The following UBR2 variants were observed in gnomAD, a reference collection of about 807,000 sequenced individuals.
UBR2 encodes the protein ubiquitin protein ligase E3 component n-recognin 2, also known as E3 ubiquitin-protein ligase UBR2.
A neutral mutation model predicts 247.9 loss-of-function variants in UBR2; 92 were observed. The ratio of observed to expected loss-of-function variants is 0.37; its 90% CI spans 0.31 to 0.44. The LOEUF (loss-of-function observed/expected upper bound fraction) is 0.44, where lower values mean the gene tolerates loss of function less well. Ranked by LOEUF, UBR2 falls within the 20% of genes least tolerant of loss-of-function variation. The probability of loss-of-function intolerance (pLI) is 1.00; values close to 1 mark genes in which losing one functional copy is unlikely to be tolerated. For synonymous variants in UBR2, 672 were observed against 693.5 expected (o/e 0.97, Z 0.49); for missense variants, 1,613 against 2,112.6 (o/e 0.76, Z 4.64).
In UBR2 at chr6:42,689,732, G is replaced by C. The variant is rs548641997; in HGVS notation, c.5126+62G>C. On this transcript the variant is annotated intron_variant, in intron 46 of 46. Transcript: ENST00000372901. The surrounding 1 kb of genome is among the most constrained non-coding windows in gnomAD (Gnocchi z 4.0). ...GCAGCGCCCTTCCGTATGTGGTGAC[G>C]TCCTGAGGGTGGAGGGCTGAGGTGG... 6 of 1,439,040 alleles carry C rather than the reference G, an allele frequency of 4.2e-6. No homozygotes were observed. Among genetic ancestry groups the C allele is most frequent in the Non-Finnish European group, 4.9e-6 (5 of 1,022,056 alleles). The allele number at this position is 1,439,040 out of a possible 1,614,324, so 89.1% of individuals were successfully genotyped here.
chr6:42,659,543 A>G lies in UBR2; in HGVS notation c.3243-113A>G. The G allele has an allele frequency of 2.8e-6, 2 of 715,690 alleles. No individual in the cohort carries two copies. The highest frequency in any genetic ancestry group is 1.8e-5 in the African/African-American group (1 of 54,950). The allele number at this position is 715,690 out of a possible 1,614,324, so 44.3% of individuals were successfully genotyped here. On this transcript the variant is annotated intron_variant, in intron 29 of 46. Coordinates refer to ENST00000372901, the MANE Select transcript of UBR2 (RefSeq NM_001363705.2). The surrounding 1 kb of genome is among the most constrained non-coding windows in gnomAD (Gnocchi z 4.3). ...TATACACACACACACACACACACAC[A>G]CACACACACACACACACACTACACA...
chr6:42,625,844 C>T (rs1367248055), intron 11 of UBR2, among the ~76,000 whole-genome samples: 3 of 148,526 alleles, frequency 2.0e-5, no homozygotes, highest in African/African-American at 5.0e-5. Context: ...GGCGGAGTCT[C>T]GCTCTGTCGC....
chr6:42,632,066 A>AT (rs1372421630), intron 11 of UBR2, among the ~76,000 whole-genome samples: 520 of 68,576 alleles, frequency 7.6e-3, no homozygotes, highest in Middle Eastern at 0.021. Flanking sequence ...TAAAAAAAAA[A>AT]AAAATATATA....
intron 4 of UBR2, among the ~76,000 whole-genome samples, chr6:42,599,790 A>G (rs1793242267): frequency 1.3e-5 from 2 of 152,084 alleles, no homozygotes; most frequent in African/African-American, 4.8e-5. Flanking sequence ...AGCTGCGACC[A>G]CAGGCACATA....
chr6:42,686,198 C>G (rs1799382766), intron 44 of UBR2, among the ~76,000 whole-genome samples: 1 of 151,900 alleles, frequency 6.6e-6, no homozygotes. Flanking sequence ...ACAAAGGTCT[C>G]TGGTTTTCCT....
In UBR2 at chr6:42,630,294, C is replaced by T. The variant is rs151289231; in HGVS notation, c.1282-2258C>T. On this transcript the variant is annotated intron_variant, in intron 11 of 46. Transcript: ENST00000372901. ...CTGCCTCCTGAGTTCAAGCGGTTCT[C>T]CTGTCTCAGCCTCCCGAGTAGCTGG... is the stretch of plus-strand genomic sequence containing the variant. Among the ~76,000 whole-genome samples, 99 of 151,832 alleles carry T rather than the reference C, an allele frequency of 6.5e-4. 1 individual carries two copies. In the East Asian group the frequency reaches 0.018, roughly 28 times the overall value.
At chr6:42,658,969 A>T in intron 29 of UBR2, 145 bp downstream of exon 29, 1 of 923,648 alleles carries the variant, frequency 1.1e-6, no homozygotes, top group South Asian at 2.1e-5. Flanking sequence ...TCCATTTAGA[A>T]GATTTAATCT....
intron 7 of UBR2, 40 bp downstream of exon 7, chr6:42,606,691 G>T: frequency 6.7e-7 from 1 of 1,499,274 alleles, no homozygotes; most frequent in Non-Finnish European, 9.1e-7. Flanking sequence ...TTTTTTATTA[G>T]TTTAAAACTA....
At position 42,642,528 on chromosome 6, in the gene UBR2, C is replaced by T. The variant is rs1582624879; in HGVS notation, c.2097+47C>T. 4 of 1,471,952 alleles carry T rather than the reference C, an allele frequency of 2.7e-6. No individual in the cohort carries two copies. In the East Asian group the frequency reaches 9.4e-5, roughly 35 times the overall value. The allele number at this position is 1,471,952 out of a possible 1,614,324, so 91.2% of individuals were successfully genotyped here. On this transcript the variant is annotated intron_variant, in intron 18 of 46. Transcript: ENST00000372901. ...ACTTAAAGGTTGTGGGGAATCTTTGCTTCTTGTTATTTCCATAGAATTCAG... is the reference window on the plus strand; with the variant it reads ...ACTTAAAGGTTGTGGGGAATCTTTGTTTCTTGTTATTTCCATAGAATTCAG...
rs371927756 is a variant in UBR2, at chr6:42,658,037, G to A, written c.2886G>A (p.Ala962=). 1.2e-5 allele frequency: 20 copies of A among 1,613,408 alleles called. No individual in the cohort carries two copies. Among genetic ancestry groups the A allele is most frequent in the South Asian group, 6.6e-5 (6 of 90,980 alleles). ...TTTCTGCCGTAGAACCTGGTGAAGC[G>A]CCAAAAAATTCTCCTAGCATACTAG... ...FTQKISKPGE[A]PKNSPSILAM... The change falls in exon 27 of 47, where the codon GCG becomes GCA. Residue 962 remains alanine, a synonymous_variant. Coordinates refer to ENST00000372901, the MANE Select transcript of UBR2 (RefSeq NM_001363705.2).
intron 20 of UBR2, among the ~76,000 whole-genome samples, chr6:42,645,058 T>A (rs972555903): frequency 1.3e-5 from 2 of 152,158 alleles, no homozygotes; most frequent in African/African-American, 2.4e-5. Flanking sequence ...TCCTGGCTAC[T>A]GTCAGGAGAT....
rs555758344 is a variant in UBR2 at position 42,678,419 on chromosome 6, C to T, written c.4479-120C>T. The T allele has an allele frequency of 4.0e-5, 45 of 1,126,546 alleles. No individual in the cohort carries two copies. In the African/African-American group the frequency reaches 6.5e-4, roughly 16 times the overall value. 69.8% of individuals were successfully genotyped at this position (1,126,546 alleles called of 1,614,324 possible). On this transcript the variant is annotated intron_variant, in intron 40 of 46. Coordinates refer to ENST00000372901, the MANE Select transcript of UBR2 (RefSeq NM_001363705.2). The stretch of plus-strand genomic sequence containing the variant: ...TAACACACACCCACTTGCCTGTTAA[C>T]TCACAACTTTTAAGCATACATGCCA...
chr6:42,684,948 G>A, intron 44 of UBR2, 77 bp downstream of exon 44: 1 of 1,208,876 alleles, frequency 8.3e-7, no homozygotes, highest in Non-Finnish European at 1.2e-6. Context: ...GGATTTTGTT[G>A]TTGTTCTTTG....
At chr6:42,644,132 C>A in intron 18 of UBR2, 82 bp from the exon 19 acceptor site, 1 of 1,424,978 alleles carries the variant, frequency 7.0e-7, no homozygotes, top group Non-Finnish European at 9.4e-7. Context: ...GCAAGCCAAA[C>A]TATCTCTCAC....
At chr6:42,626,271 A>G (rs558382724) in intron 11 of UBR2, among the ~76,000 whole-genome samples, 1 of 151,916 alleles carries the variant, frequency 6.6e-6, no homozygotes, top group Admixed American at 6.6e-5. Context: ...TTCTTTTCTG[A>G]TGATTTAAGG....
At chr6:42,634,789 G>A (rs1034612399) in intron 13 of UBR2, among the ~76,000 whole-genome samples, 1 of 152,196 alleles carries the variant, frequency 6.6e-6, no homozygotes, top group Admixed American at 6.5e-5. Context: ...TTGGGTGGTA[G>A]TTCATGGGTG....
intron 2 of UBR2, among the ~76,000 whole-genome samples, chr6:42,591,357 A>G (rs1054742706): frequency 2.6e-5 from 4 of 152,230 alleles, no homozygotes; most frequent in African/African-American, 9.6e-5. Flanking sequence ...GCCTGGTGTC[A>G]GGAACCAGGG....
At chr6:42,594,143 C>T (rs754107172) in intron 3 of UBR2, 48 bp from the exon 4 acceptor site, 1 of 1,351,640 alleles carries the variant, frequency 7.4e-7, no homozygotes, top group Non-Finnish European at 1.1e-6. Flanking sequence ...TATCTGATAG[C>T]CCTCAGTAAA....
intron 22 of UBR2, among the ~76,000 whole-genome samples, chr6:42,648,661 A>AT (rs1192645222): frequency 2.0e-5 from 3 of 151,662 alleles, no homozygotes; most frequent in Admixed American, 6.6e-5. Flanking sequence ...CAATGTATTC[A>AT]TTTTTTTTAA....
Sources: allele counts gnomAD v4.1 joint callset (sites outside exome capture counted in the v4.1 genomes callset), GRCh38; gene constraint gnomAD v4.1.1; non-coding constraint Gnocchi (gnomAD v3.1); transcripts MANE v1.5; gene names NCBI Gene and HGNC (gene_info 2026-07-23, HGNC 2026-07-21).